LRRTM4: variants seen among roughly 807,000 people sequenced by gnomAD.
The protein encoded by LRRTM4 is leucine-rich repeat transmembrane neuronal protein 4.
Under a neutral mutation model 47.6 loss-of-function variants are expected in LRRTM4, and 25 were observed. The ratio of observed to expected loss-of-function variants is 0.53; its 90% CI spans 0.38 to 0.73. LRRTM4 has a LOEUF of 0.73. Ranked by LOEUF, LRRTM4 falls within the 30% of genes least tolerant of loss-of-function variation. LRRTM4 has a pLI of 0.00. For missense variants in LRRTM4, 638 were observed against 713.4 expected (o/e 0.89, Z 1.20); for synonymous variants, 311 against 269.5 (o/e 1.15, Z -1.51).
At chr2:77,004,742 C>T (rs1168207434) in intron 3 of LRRTM4, among the ~76,000 whole-genome samples, 2 of 152,132 alleles carry the variant, frequency 1.3e-5, no homozygotes, top group African/African-American at 4.8e-5. Context: ...TCACTGCCAG[C>T]ACATGAAAGC....
intron 3 of LRRTM4, among the ~76,000 whole-genome samples, chr2:76,965,218 C>CA (rs1439419615): frequency 1.3e-5 from 2 of 151,024 alleles, no homozygotes; most frequent in Non-Finnish European, 3.0e-5. Context: ...ACCCTACCAG[C>CA]AAAAACAAAT....
At chr2:76,984,860 T>C (rs1676737954) in intron 3 of LRRTM4, among the ~76,000 whole-genome samples, 4 of 151,906 alleles carry the variant, frequency 2.6e-5, no homozygotes, top group Admixed American at 2.0e-4. Context: ...GATGAAAAAA[T>C]TGATGTAGAC....
chr2:77,094,774 A>T (rs1395275824), intron 3 of LRRTM4, among the ~76,000 whole-genome samples: 1 of 152,204 alleles, frequency 6.6e-6, no homozygotes, highest in Non-Finnish European at 1.5e-5. Context: ...CATATACAAA[A>T]ATCAACTCAA....
At chr2:77,409,766 A>T (rs1674347670) in intron 3 of LRRTM4, among the ~76,000 whole-genome samples, 2 of 152,182 alleles carry the variant, frequency 1.3e-5, no homozygotes, top group Non-Finnish European at 2.9e-5. Flanking sequence ...TTAAGTTGAA[A>T]CTGGGGTTGA....
intron 3 of LRRTM4, among the ~76,000 whole-genome samples, chr2:77,040,777 CCATTTT>C (rs1317477289): frequency 1.3e-5 from 2 of 151,174 alleles, no homozygotes; most frequent in East Asian, 3.9e-4. Context: ...TCCATTTTTT[CCATTTT>C]AAGTTTTATT....
chr2:76,903,942 C>A (rs1449532456), intron 3 of LRRTM4, among the ~76,000 whole-genome samples: 2 of 152,136 alleles, frequency 1.3e-5, no homozygotes, highest in Admixed American at 6.6e-5. Context: ...AAAGAAAACA[C>A]TTCAAATGAA....
chr2:77,121,386 G>T (rs1214715430), intron 3 of LRRTM4, among the ~76,000 whole-genome samples: 1 of 151,676 alleles, frequency 6.6e-6, no homozygotes, highest in Non-Finnish European at 1.5e-5. Context: ...CCCAAACAAA[G>T]GATAAATAGT....
chr2:77,371,847 C>T (rs747833288), intron 3 of LRRTM4, among the ~76,000 whole-genome samples: 7 of 151,732 alleles, frequency 4.6e-5, no homozygotes, highest in African/African-American at 7.3e-5. Flanking sequence ...ATGTCAAGAA[C>T]CTTTGAAGGG....
intron 3 of LRRTM4, among the ~76,000 whole-genome samples, chr2:77,014,313 A>G (rs891474073): frequency 2.6e-5 from 4 of 152,126 alleles, no homozygotes; most frequent in African/African-American, 7.2e-5. Context: ...TGCATATTCT[A>G]TTCACATTGT....
chr2:76,831,464 G>T (rs970524862), intron 3 of LRRTM4, among the ~76,000 whole-genome samples: 2 of 152,024 alleles, frequency 1.3e-5, no homozygotes, highest in African/African-American at 4.8e-5. Flanking sequence ...TCACTTAAAT[G>T]GTTTCTCCCT....
chr2:76,886,750 T>C (rs1388323558), intron 3 of LRRTM4, among the ~76,000 whole-genome samples: 1 of 152,022 alleles, frequency 6.6e-6, no homozygotes, highest in Non-Finnish European at 1.5e-5. Flanking sequence ...AAATATTAAA[T>C]GCCTCATAAA....
intron 3 of LRRTM4, among the ~76,000 whole-genome samples, chr2:77,375,068 A>T (rs1672783866): frequency 6.6e-6 from 1 of 151,650 alleles, no homozygotes; most frequent in Non-Finnish European, 1.5e-5. Flanking sequence ...AAAGTCATAC[A>T]TTCACTCTTT....
intron 3 of LRRTM4, among the ~76,000 whole-genome samples, chr2:77,236,127 G>C (rs769263380): frequency 6.6e-6 from 1 of 152,026 alleles, no homozygotes; most frequent in Non-Finnish European, 1.5e-5. Flanking sequence ...TCATTGTAAT[G>C]ACATTGATTC....
intron 3 of LRRTM4, among the ~76,000 whole-genome samples, chr2:76,903,429 G>A (rs764237295): frequency 4.6e-5 from 7 of 151,704 alleles, no homozygotes; most frequent in East Asian, 2.0e-4. Context: ...CCAGCTACTC[G>A]GGAGGCTGAG....
intron 3 of LRRTM4, among the ~76,000 whole-genome samples, chr2:77,388,227 G>A (rs1573348191): frequency 6.6e-6 from 1 of 151,786 alleles, no homozygotes. Context: ...GTGGAGAAGT[G>A]AACAAAATGA....
intron 3 of LRRTM4, among the ~76,000 whole-genome samples, chr2:77,251,212 T>C (rs1675604527): frequency 2.9e-5 from 1 of 34,414 alleles, no homozygotes; most frequent in South Asian, 6.5e-4. Context: ...TATATATGTA[T>C]ATATGTGTAT....
At chr2:76,830,587 AAGT>A (rs1211833308) in intron 3 of LRRTM4, among the ~76,000 whole-genome samples, 5 of 151,014 alleles carry the variant, frequency 3.3e-5, no homozygotes, top group African/African-American at 1.2e-4. Context: ...AGTGAAATGG[AAGT>A]AGAATATTTG....
chr2:77,290,233 A>T (rs1040303290), intron 3 of LRRTM4, among the ~76,000 whole-genome samples: 1 of 152,048 alleles, frequency 6.6e-6, no homozygotes, highest in Non-Finnish European at 1.5e-5. Context: ...CAGATTAAAT[A>T]TGAATCTAAT....
chr2:76,994,458 T>G (rs967599158), intron 3 of LRRTM4, among the ~76,000 whole-genome samples: 1 of 151,854 alleles, frequency 6.6e-6, no homozygotes, highest in Non-Finnish European at 1.5e-5. Flanking sequence ...AGAGAACTGA[T>G]GTAAATCAGC....
Sources: gnomAD v4.1 joint callset for allele counts (sites outside exome capture counted in the v4.1 genomes callset) on GRCh38, gnomAD v4.1.1 for gene constraint, MANE v1.5 for transcripts, NCBI Gene and HGNC (gene_info 2026-07-23, HGNC 2026-07-21) for gene names.